The following PTK2 variants were observed in gnomAD, a reference collection of about 807,000 sequenced individuals.
The protein encoded by PTK2 is protein tyrosine kinase 2.
In PTK2, 45 loss-of-function variants were observed where a neutral mutation model predicts 150.1. The ratio of observed to expected loss-of-function variants is 0.30; its 90% CI spans 0.24 to 0.38. The LOEUF is 0.38. PTK2 is among the 10% of genes least tolerant of loss of function. The probability of loss-of-function intolerance (pLI) is 1.00; values close to 1 mark genes in which losing one functional copy is unlikely to be tolerated. For synonymous variants in PTK2, 432 were observed against 449.2 expected (o/e 0.96, Z 0.48); for missense variants, 919 against 1,307.3 (o/e 0.70, Z 4.58).
At chr8:140,997,190 G>A (rs1225173573) in intron 1 of PTK2, among the ~76,000 whole-genome samples, 3 of 152,234 alleles carry the variant, frequency 2.0e-5, no homozygotes, top group African/African-American at 7.2e-5. Flanking sequence ...TGATGTGACT[G>A]AATTGCTGCA....
intron 27 of PTK2, among the ~76,000 whole-genome samples, chr8:140,684,313 T>C (rs1056324204): frequency 2.6e-5 from 4 of 152,216 alleles, no homozygotes; most frequent in African/African-American, 9.6e-5. Flanking sequence ...ATCTCTCACA[T>C]GCGCAGTTCA....
chr8:140,757,284 T>C (rs1453666961), intron 16 of PTK2, among the ~76,000 whole-genome samples: 2 of 152,192 alleles, frequency 1.3e-5, no homozygotes, highest in Non-Finnish European at 2.9e-5. Flanking sequence ...TGTCTGTTTG[T>C]TTCTTTTTCA....
chr8:140,871,536 T>C (rs1379485850), intron 4 of PTK2, among the ~76,000 whole-genome samples: 4 of 152,232 alleles, frequency 2.6e-5, no homozygotes, highest in South Asian at 4.1e-4. Flanking sequence ...TGGTGGCTCA[T>C]GCCTGTAATC....
Position 140,732,865 on chromosome 8 carries a change from C to T in PTK2, c.2030+2386G>A, listed in dbSNP as rs73369957. Among the ~76,000 whole-genome samples, 640 of 152,080 alleles carry T rather than the reference C, an allele frequency of 4.2e-3. 9 individuals carry two copies. The highest frequency in any genetic ancestry group is 0.015 in the African/African-American group (605 of 41,484). Reference sequence around the variant, plus strand: ...AGAAGACCCAGTGCGTGAAAGAAGCCGAGAAAGATGGGTAAGATCTCCCCA... The same window carrying T: ...AGAAGACCCAGTGCGTGAAAGAAGCTGAGAAAGATGGGTAAGATCTCCCCA... On this transcript the variant is annotated intron_variant, in intron 22 of 31. Transcript: ENST00000522684.
At chr8:140,707,273 C>T (rs931532319) in intron 23 of PTK2, among the ~76,000 whole-genome samples, 1 of 152,164 alleles carries the variant, frequency 6.6e-6, no homozygotes, top group African/African-American at 2.4e-5. Flanking sequence ...CGCTATGGCT[C>T]ACGCCTATAA....
chr8:140,933,190 GA>G (rs57085667), intron 1 of PTK2, among the ~76,000 whole-genome samples: 130,121 of 140,964 alleles, frequency 0.92, 60,202 homozygotes, highest in East Asian at 1. Context: ...CAACAGTAAT[GA>G]AAAAAAAAAA....
intron 1 of PTK2, among the ~76,000 whole-genome samples, chr8:140,934,158 T>C (rs969793934): frequency 6.6e-6 from 1 of 152,216 alleles, no homozygotes; most frequent in African/African-American, 2.4e-5. Context: ...TAATAAATCA[T>C]TGGTCTAAAA....
At chr8:141,001,371 T>C (rs1207785576), upstream of PTK2, 6 of 149,084 alleles carry the variant, frequency 4.0e-5, no homozygotes, top group Non-Finnish European at 1.5e-5. Flanking sequence ...CCGGTCTCAG[T>C]CCGGAGTTCC....
chr8:140,703,898 A>G (rs2100032211), intron 24 of PTK2, among the ~76,000 whole-genome samples: 1 of 152,320 alleles, frequency 6.6e-6, no homozygotes, highest in African/African-American at 2.4e-5. Flanking sequence ...AGTGAGATAA[A>G]GCACAGCCAA....
intron 23 of PTK2, among the ~76,000 whole-genome samples, chr8:140,716,028 A>T (rs901942701): frequency 9.8e-5 from 15 of 152,320 alleles, no homozygotes; most frequent in African/African-American, 3.6e-4. Flanking sequence ...CCAAATACTT[A>T]TGTTACTTTG....
At chr8:140,924,822 A>C (rs1391612759) in intron 2 of PTK2, among the ~76,000 whole-genome samples, 1 of 152,246 alleles carries the variant, frequency 6.6e-6, no homozygotes, top group Non-Finnish European at 1.5e-5. Context: ...TAGTACTGAT[A>C]CTATTAAAAC....
intron 1 of PTK2, among the ~76,000 whole-genome samples, chr8:140,927,958 GAAAAAAAA>G (rs57931737): frequency 5.7e-4 from 36 of 63,668 alleles, no homozygotes; most frequent in African/African-American, 2.3e-3. Context: ...AAAAAAAAAA[GAAAAAAAA>G]AAAAAAAAAA....
At chr8:140,813,261 A>G (rs28827529) in intron 10 of PTK2, among the ~76,000 whole-genome samples, 3,384 of 152,334 alleles carry the variant, frequency 0.022, 131 homozygotes, top group African/African-American at 0.078. Context: ...TGGAAATTGA[A>G]TAAACTGCTC....
intron 1 of PTK2, among the ~76,000 whole-genome samples, chr8:140,927,095 CAGA>C (rs1436156769): frequency 5.3e-5 from 8 of 152,244 alleles, no homozygotes; most frequent in Admixed American, 6.5e-5. Flanking sequence ...CAACACAGGA[CAGA>C]AGAAGAAGTT....
At chr8:140,795,113 A>G (rs1403668845) in intron 12 of PTK2, among the ~76,000 whole-genome samples, 1 of 152,132 alleles carries the variant, frequency 6.6e-6, no homozygotes, top group Non-Finnish European at 1.5e-5. Context: ...TGACCCAAAC[A>G]TCACTTGCCT....
intron 1 of PTK2, among the ~76,000 whole-genome samples, chr8:140,931,573 A>C (rs572540402): frequency 1.3e-5 from 2 of 152,196 alleles, no homozygotes; most frequent in Non-Finnish European, 2.9e-5. Context: ...GGTTTTAAAA[A>C]AAATTTTTAA....
At chr8:140,843,117 C>A (rs1456556174) in intron 7 of PTK2, among the ~76,000 whole-genome samples, 1 of 152,100 alleles carries the variant, frequency 6.6e-6, no homozygotes, top group Non-Finnish European at 1.5e-5. Context: ...CTCTGATCAT[C>A]TGAAGTTCTG....
At chr8:140,974,758 C>G (rs983946759) in intron 1 of PTK2, among the ~76,000 whole-genome samples, 1 of 152,128 alleles carries the variant, frequency 6.6e-6, no homozygotes, top group Non-Finnish European at 1.5e-5. Context: ...AATTCTCTCC[C>G]CAGGGAAAAA....
At chr8:140,845,103 A>G (rs1305800718) in intron 7 of PTK2, among the ~76,000 whole-genome samples, 1 of 152,216 alleles carries the variant, frequency 6.6e-6, no homozygotes, top group Non-Finnish European at 1.5e-5. Context: ...CATGGACAAG[A>G]AAGGTACAAC....
Sources: gnomAD v4.1 joint callset for allele counts (sites outside exome capture counted in the v4.1 genomes callset) on GRCh38, gnomAD v4.1.1 for gene constraint, MANE v1.5 for transcripts, NCBI Gene and HGNC (gene_info 2026-07-23, HGNC 2026-07-21) for gene names.